Variants in FOXP1 observed in about 807,000 individuals in gnomAD.
FOXP1 encodes forkhead box protein P1.
Under a neutral mutation model 98.2 loss-of-function variants are expected in FOXP1, and 15 were observed. The ratio of observed to expected loss-of-function variants is 0.15; its 90% CI spans 0.10 to 0.24. The LOEUF (loss-of-function observed/expected upper bound fraction) is 0.24, where lower values mean the gene tolerates loss of function less well. FOXP1 is among the 10% of genes least tolerant of loss of function. FOXP1 has a pLI of 1.00. For synonymous variants in FOXP1, 371 were observed against 314.5 expected, an observed-to-expected ratio of 1.18 and a Z score of -1.90; for missense variants, 633 against 848.5, an observed-to-expected ratio of 0.75 and a Z score of 3.15.
At chr3:71,376,095 G>C (rs1168071254) in intron 3 of FOXP1, among the ~76,000 whole-genome samples, 2 of 152,074 alleles carry the variant, frequency 1.3e-5, no homozygotes, top group African/African-American at 2.4e-5. Flanking sequence ...TAAGAGAGAT[G>C]AAATCCCCAC....
chr3:71,079,573 T>C (rs1483410012), intron 7 of FOXP1, among the ~76,000 whole-genome samples: 2 of 152,250 alleles, frequency 1.3e-5, no homozygotes, highest in Non-Finnish European at 2.9e-5. Flanking sequence ...GTTTTCTAAA[T>C]GTGTGCACTC....
chr3:71,276,377 T>C (rs1488275845), intron 5 of FOXP1: 1 of 152,026 alleles, frequency 6.6e-6, no homozygotes, highest in Non-Finnish European at 1.5e-5. Context: ...AGAAAAAAAA[T>C]GGAAACGGTT....
intron 17 of FOXP1, among the ~76,000 whole-genome samples, chr3:70,974,950 C>T (rs1164012351): frequency 2.0e-5 from 3 of 152,150 alleles, no homozygotes; most frequent in Non-Finnish European, 2.9e-5. Context: ...CAGAAAGCGA[C>T]GAGAAGTCAA....
chr3:71,321,685 G>A (rs2075400247), intron 4 of FOXP1, among the ~76,000 whole-genome samples: 1 of 151,006 alleles, frequency 6.6e-6, no homozygotes, highest in Non-Finnish European at 1.5e-5. Flanking sequence ...GCAGTGGTGC[G>A]ATCTCCTCTC....
chr3:71,193,234 G>T (rs1285242435), intron 6 of FOXP1, among the ~76,000 whole-genome samples: 1 of 131,580 alleles, frequency 7.6e-6, no homozygotes, highest in African/African-American at 3.3e-5. Context: ...TGCAAGCTCC[G>T]CCTCCCAGGT....
At chr3:71,018,138 A>C (rs2044794484) in intron 11 of FOXP1, among the ~76,000 whole-genome samples, 1 of 152,338 alleles carries the variant, frequency 6.6e-6, no homozygotes, top group African/African-American at 2.4e-5. Flanking sequence ...AATGTGTAGA[A>C]TTTAACACGA....
chr3:71,148,701 A>T (rs1221938540), intron 6 of FOXP1, among the ~76,000 whole-genome samples: 1 of 152,186 alleles, frequency 6.6e-6, no homozygotes, highest in Admixed American at 6.5e-5. Flanking sequence ...AACTGTCCTT[A>T]ATTTATGACA....
chr3:71,520,841 G>A (rs546922199), intron 2 of FOXP1, among the ~76,000 whole-genome samples: 2 of 152,122 alleles, frequency 1.3e-5, no homozygotes, highest in Admixed American at 6.5e-5. Flanking sequence ...AATCAGCAAC[G>A]ACAGTTGCCA....
At position 71,379,393 on chromosome 3, in the gene FOXP1, G is replaced by A. The variant is rs558685119; in HGVS notation, c.-167-20149C>T. Among the ~76,000 whole-genome samples the A allele has an allele frequency of 2.0e-5, 3 of 152,228 alleles. No individual in the cohort carries two copies. The East Asian group carries it at 5.8e-4, about 29-fold the overall frequency. ...GTCAAGGACAAAGTCTCATTTGGGT[G>A]CTGGTCTAATGCCTAACACATGTTA... On this transcript the variant is annotated intron_variant, in intron 3 of 20. Coordinates refer to ENST00000649528, the MANE Select transcript of FOXP1 (RefSeq NM_001349338.3).
At chr3:71,048,262 C>T (rs1464014142) in intron 9 of FOXP1, among the ~76,000 whole-genome samples, 2 of 152,190 alleles carry the variant, frequency 1.3e-5, no homozygotes, top group Non-Finnish European at 2.9e-5. Context: ...TCAGAGCTTA[C>T]ATGTTCTGGC....
At chr3:71,274,304 T>C (rs544243863) in intron 5 of FOXP1, among the ~76,000 whole-genome samples, 1 of 152,292 alleles carries the variant, frequency 6.6e-6, no homozygotes, top group African/African-American at 2.4e-5. Context: ...ATTGGCCACC[T>C]TAACTAAGGA....
chr3:70,970,972 G>C (rs2036103516), intron 18 of FOXP1, 167 bp from the exon 19 acceptor site: 1 of 662,520 alleles, frequency 1.5e-6, no homozygotes, highest in Non-Finnish European at 2.7e-6. Flanking sequence ...TGCAGGGCGG[G>C]TGTGTGTGCA....
intron 5 of FOXP1, among the ~76,000 whole-genome samples, chr3:71,279,813 A>C (rs918209940): frequency 1.3e-5 from 2 of 152,150 alleles, no homozygotes; most frequent in African/African-American, 2.4e-5. Flanking sequence ...ATGTGTCTAT[A>C]CCAAACTGCC....
At chr3:71,541,711 T>C (rs1341709424) in intron 2 of FOXP1, among the ~76,000 whole-genome samples, 3 of 151,966 alleles carry the variant, frequency 2.0e-5, no homozygotes, top group Admixed American at 6.6e-5. Flanking sequence ...AAGGCTCAGA[T>C]ACTGAACACA....
At chr3:71,197,938 C>T (rs868438439) in intron 6 of FOXP1, 1 of 1,614,178 alleles carries the variant, frequency 6.2e-7, no homozygotes, top group Non-Finnish European at 8.5e-7. Context: ...ACACACAGGT[C>T]CACTCATCTT....
chr3:71,354,562 A>C (rs2107864071), intron 4 of FOXP1, among the ~76,000 whole-genome samples: 1 of 152,328 alleles, frequency 6.6e-6, no homozygotes, highest in East Asian at 1.9e-4. Context: ...CAAATATAAA[A>C]CAGACTATCT....
intron 5 of FOXP1, among the ~76,000 whole-genome samples, chr3:71,231,130 C>T (rs2066253010): frequency 6.6e-6 from 1 of 152,156 alleles, no homozygotes; most frequent in Non-Finnish European, 1.5e-5. Flanking sequence ...CAAAAGTCCC[C>T]TTTTCTTTCA....
intron 4 of FOXP1, among the ~76,000 whole-genome samples, chr3:71,306,282 T>A (rs1409723636): frequency 6.6e-6 from 1 of 151,974 alleles, no homozygotes; most frequent in African/African-American, 2.4e-5. Context: ...CATTAGTAAT[T>A]AAGAACTCAC....
intron 1 of FOXP1, chr3:71,581,992 T>G (rs1277325739): frequency 1.7e-5 from 15 of 884,152 alleles, no homozygotes; most frequent in Non-Finnish European, 2.0e-5. Context: ...GGGGGTGGGA[T>G]GGGGATACGA....
Sources: allele counts gnomAD v4.1 joint callset (sites outside exome capture counted in the v4.1 genomes callset), GRCh38; gene constraint gnomAD v4.1.1; transcripts MANE v1.5; gene names NCBI Gene and HGNC (gene_info 2026-07-23, HGNC 2026-07-21).